Variants in DGKB observed in about 807,000 individuals in gnomAD.
The protein encoded by DGKB is 90 kDa diacylglycerol kinase.
Under a neutral mutation model 114.3 loss-of-function variants are expected in DGKB, and 67 were observed. The ratio of observed to expected loss-of-function variants is 0.59; its 90% CI spans 0.48 to 0.72. The LOEUF (loss-of-function observed/expected upper bound fraction) is 0.72, where lower values mean the gene tolerates loss of function less well. Among genes scored for constraint, DGKB ranks in the 30% least tolerant of loss-of-function variants. DGKB has a pLI of 0.00. For synonymous variants in DGKB, 398 were observed against 323.1 expected (o/e 1.23, Z -2.49); for missense variants, 907 against 975.2 (o/e 0.93, Z 0.93).
intron 15 of DGKB, among the ~76,000 whole-genome samples, chr7:14,620,417 G>A (rs968589237): frequency 1.3e-5 from 2 of 151,290 alleles, no homozygotes; most frequent in South Asian, 4.2e-4. Context: ...TCTGTGCCCT[G>A]AACTGTGCTC....
At chr7:14,198,916 T>C (rs939704026) in intron 23 of DGKB, among the ~76,000 whole-genome samples, 1 of 152,072 alleles carries the variant, frequency 6.6e-6, no homozygotes, top group Admixed American at 6.6e-5. Flanking sequence ...GGTACAGCTA[T>C]GCTGAAGGTC....
chr7:14,642,189 C>T (rs1811931889), intron 13 of DGKB, among the ~76,000 whole-genome samples: 1 of 151,972 alleles, frequency 6.6e-6, no homozygotes, highest in Non-Finnish European at 1.5e-5. Context: ...TTTTTCTATA[C>T]TCTTTCTTAA....
intron 2 of DGKB, among the ~76,000 whole-genome samples, chr7:14,778,539 G>T (rs1400567723): frequency 6.6e-6 from 1 of 152,124 alleles, no homozygotes; most frequent in Non-Finnish European, 1.5e-5. Flanking sequence ...TTACTCTGTA[G>T]CCCTTGGCAG....
intron 25 of DGKB, among the ~76,000 whole-genome samples, chr7:14,158,516 A>T (rs577608447): frequency 1.3e-5 from 2 of 152,200 alleles, no homozygotes; most frequent in South Asian, 2.1e-4. Context: ...TAATGGCCCA[A>T]TTTCTAGACT....
chr7:14,267,793 G>A (rs1164504594), intron 23 of DGKB, among the ~76,000 whole-genome samples: 5 of 152,138 alleles, frequency 3.3e-5, no homozygotes, highest in African/African-American at 7.2e-5. Flanking sequence ...CCGGCCTATT[G>A]TTTTAAGTCA....
intron 21 of DGKB, among the ~76,000 whole-genome samples, chr7:14,408,652 T>C (rs1220138792): frequency 2.6e-5 from 4 of 152,136 alleles, no homozygotes; most frequent in Non-Finnish European, 5.9e-5. Flanking sequence ...ATTTCAAATA[T>C]AGTATTTTAA....
chr7:14,517,646 G>A lies in DGKB; in HGVS notation c.1771-39421C>T, dbSNP rs1054863182. On this transcript the variant is annotated intron_variant, in intron 20 of 25. Transcript: ENST00000402815. ...AACAAAACACCTCATTAAAAAGTGG[G>A]CAAAAAACATGAATGGACACTGCAA... Among the ~76,000 whole-genome samples the A allele has an allele frequency of 5.9e-5, 9 of 151,856 alleles. No homozygotes were observed. The South Asian group carries it at 1.2e-3, about 21-fold the overall frequency.
In DGKB at chr7:14,178,035, T is replaced by C; in HGVS notation, c.2239A>G (p.Ile747Val). 6.4e-7 allele frequency: 1 copy of C among 1,567,482 alleles called. No homozygotes were observed. The highest frequency in any genetic ancestry group is 8.6e-7 in the Non-Finnish European group (1 of 1,162,434). Residue 747 changes from isoleucine (I) to valine (V), a missense_variant, in exon 24 of 26, where the codon ATC (isoleucine) becomes GTC (valine). By Grantham distance (29) the Ile-to-Val change is conservative (BLOSUM62 3). Transcript: ENST00000402815. Reference sequence around the variant, plus strand: ...CAGTTACAGAAAGGGAACTACCTGATGACCACGCAGGAGCACTGAGCCAGC... The same window carrying C: ...CAGTTACAGAAAGGGAACTACCTGACGACCACGCAGGAGCACTGAGCCAGC... The part of the protein sequence containing the change: ...RRLAQCSCVV[I>V]RTSKSLPMQI...
At chr7:14,900,517 T>C (rs1269477075) in intron 1 of DGKB, among the ~76,000 whole-genome samples, 1 of 152,070 alleles carries the variant, frequency 6.6e-6, no homozygotes, top group Non-Finnish European at 1.5e-5. Context: ...GTAGGCAGAA[T>C]TAGATTTCGC....
chr7:14,732,764 C>G (rs1243319675), intron 5 of DGKB, among the ~76,000 whole-genome samples: 1 of 150,518 alleles, frequency 6.6e-6, no homozygotes, highest in African/African-American at 2.4e-5. Context: ...CTTTTTTTTT[C>G]CATTTTGAAA....
intron 21 of DGKB, among the ~76,000 whole-genome samples, chr7:14,396,441 C>T (rs866536860): frequency 6.6e-6 from 1 of 152,006 alleles, no homozygotes; most frequent in Non-Finnish European, 1.5e-5. Context: ...TCAGGGACTC[C>T]ATTAATTTTA....
intron 20 of DGKB, among the ~76,000 whole-genome samples, chr7:14,488,504 C>A (rs888564586): frequency 3.3e-5 from 5 of 151,966 alleles, no homozygotes; most frequent in Non-Finnish European, 7.4e-5. Context: ...GATGGAATTT[C>A]TCTCAAGGCG....
chr7:14,146,444 G>T lies in DGKB; in HGVS notation c.*2687C>A, dbSNP rs1647251609. 6.6e-6 allele frequency: 1 copy of T among 152,106 alleles called. No homozygotes were observed. Among genetic ancestry groups the T allele is most frequent in the Non-Finnish European group, 1.5e-5 (1 of 68,040 alleles). 9.4% of individuals were successfully genotyped at this position (152,106 alleles called of 1,614,324 possible). ...TTTATGTCTCCTATATTAAAAGAGG[G>T]CGACTCAATAGCTGAAAATTTATCT... On this transcript the variant is annotated 3_prime_UTR_variant, in exon 26 of 26. Coordinates refer to ENST00000402815, the MANE Select transcript of DGKB (RefSeq NM_001350709.2).
At chr7:14,557,480 T>C (rs1218481660) in intron 20 of DGKB, among the ~76,000 whole-genome samples, 1 of 152,124 alleles carries the variant, frequency 6.6e-6, no homozygotes, top group Non-Finnish European at 1.5e-5. Context: ...GCTCTTTTTT[T>C]CCAAGTTGTT....
intron 20 of DGKB, among the ~76,000 whole-genome samples, chr7:14,510,689 G>A (rs1048613914): frequency 6.6e-5 from 10 of 152,048 alleles, no homozygotes; most frequent in Non-Finnish European, 7.4e-5. Flanking sequence ...CCAGAAAGGT[G>A]TACTTTTCCC....
At chr7:14,759,307 T>G (rs1321584702) in intron 2 of DGKB, among the ~76,000 whole-genome samples, 2 of 152,174 alleles carry the variant, frequency 1.3e-5, no homozygotes, top group Non-Finnish European at 2.9e-5. Flanking sequence ...AATTCAGTAA[T>G]TTTTAGCATA....
At chr7:14,411,054 T>A (rs1226898974) in intron 21 of DGKB, among the ~76,000 whole-genome samples, 1 of 152,160 alleles carries the variant, frequency 6.6e-6, no homozygotes, top group Non-Finnish European at 1.5e-5. Flanking sequence ...TGCTGCGCAG[T>A]GGCAGGTTTC....
chr7:14,850,471 A>G (rs1224115356), intron 1 of DGKB, among the ~76,000 whole-genome samples: 2 of 152,164 alleles, frequency 1.3e-5, no homozygotes, highest in East Asian at 3.8e-4. Flanking sequence ...AGAGGGAGAG[A>G]TAAGTCCCAG....
At chr7:14,546,509 G>T (rs1031590287) in intron 20 of DGKB, among the ~76,000 whole-genome samples, 6 of 152,134 alleles carry the variant, frequency 3.9e-5, no homozygotes, top group African/African-American at 1.4e-4. Context: ...CTTCAGCAGG[G>T]CCTCCTCACA....
Sources: allele counts gnomAD v4.1 joint callset (sites outside exome capture counted in the v4.1 genomes callset), GRCh38; gene constraint gnomAD v4.1.1; transcripts MANE v1.5; gene names NCBI Gene and HGNC (gene_info 2026-07-23, HGNC 2026-07-21).